FNIP2: variants seen among roughly 807,000 people sequenced by gnomAD.
FNIP2 encodes the protein folliculin-interacting protein 2.
Under a neutral mutation model 108.7 loss-of-function variants are expected in FNIP2, and 32 were observed. The observed-to-expected ratio is 0.29, with a 90% CI of 0.22 to 0.40. The LOEUF is 0.40. Among genes scored for constraint, FNIP2 ranks in the 10% least tolerant of loss-of-function variants. The pLI, the probability that FNIP2 is intolerant of heterozygous loss-of-function variation, is 1.00. For missense variants in FNIP2, 1,202 were observed against 1,381.6 expected, an observed-to-expected ratio of 0.87 and a Z score of 2.06; for synonymous variants, 480 against 496.7, an observed-to-expected ratio of 0.97 and a Z score of 0.45.
chr4:158,855,985 T>G (rs533092940), intron 8 of FNIP2, among the ~76,000 whole-genome samples: 1 of 152,294 alleles, frequency 6.6e-6, no homozygotes, highest in African/African-American at 2.4e-5. Flanking sequence ...CACTTTATTC[T>G]ATAAAATAGA....
intron 7 of FNIP2, among the ~76,000 whole-genome samples, chr4:158,836,956 T>C (rs1253270956): frequency 3.3e-5 from 5 of 152,188 alleles, no homozygotes; most frequent in South Asian, 2.1e-4. Context: ...TTCTGTTTAA[T>C]GGTGCTGAAG....
At chr4:158,876,874 G>A (rs1018438296) in intron 14 of FNIP2, among the ~76,000 whole-genome samples, 5 of 152,192 alleles carry the variant, frequency 3.3e-5, no homozygotes, top group Admixed American at 6.5e-5. Context: ...AGACATGCCT[G>A]CAGCTCTGTG....
chr4:158,851,459 C>CA lies in FNIP2; in HGVS notation c.857+11dup. On this transcript the variant is annotated intron_variant, in intron 8 of 16. Transcript: ENST00000264433. ...GGCATCATCCCAAGAAGGTGAGTTGCAAGTTTCCTCTTGCTGAGAAAAGTA... is the reference window on the plus strand; with the variant it reads ...GGCATCATCCCAAGAAGGTGAGTTGCAAAGTTTCCTCTTGCTGAGAAAAGTA... The CA allele has an allele frequency of 9.9e-6, 16 of 1,613,792 alleles. No individual in the cohort carries two copies. The highest frequency in any genetic ancestry group is 2.2e-5 in the South Asian group (2 of 91,048).
At chr4:158,885,377 T>C (rs770077193) in intron 14 of FNIP2, among the ~76,000 whole-genome samples, 1 of 152,124 alleles carries the variant, frequency 6.6e-6, no homozygotes, top group Non-Finnish European at 1.5e-5. Context: ...TGAAGAGCTG[T>C]AAGTGTGGAA....
chr4:158,832,875 C>T (rs1318220088), intron 5 of FNIP2, among the ~76,000 whole-genome samples: 1 of 152,100 alleles, frequency 6.6e-6, no homozygotes, highest in Admixed American at 6.5e-5. Context: ...ATTATTTTGC[C>T]TTCATTATGC....
chr4:158,903,668 C>T (rs1729560196), intron 16 of FNIP2, among the ~76,000 whole-genome samples: 1 of 152,172 alleles, frequency 6.6e-6, no homozygotes, highest in Non-Finnish European at 1.5e-5. Flanking sequence ...TCTGTGCACT[C>T]TGAAATCAGA....
At chr4:158,876,584 C>A (rs1002886813) in intron 14 of FNIP2, among the ~76,000 whole-genome samples, 1 of 152,172 alleles carries the variant, frequency 6.6e-6, no homozygotes, top group African/African-American at 2.4e-5. Context: ...AAAATCATTC[C>A]AGGCCCCATA....
chr4:158,871,897 C>T (rs1038285140), intron 14 of FNIP2: 1 of 985,254 alleles, frequency 1.0e-6, no homozygotes, highest in African/African-American at 1.7e-5. Context: ...GATGCTTTGG[C>T]AATTTCACAG....
chr4:158,815,005 A>C (rs978067803), intron 1 of FNIP2, among the ~76,000 whole-genome samples: 4 of 152,242 alleles, frequency 2.6e-5, no homozygotes, highest in African/African-American at 7.2e-5. Flanking sequence ...AAGAGACAAT[A>C]CAGTCACACG....
intron 1 of FNIP2, among the ~76,000 whole-genome samples, chr4:158,804,060 T>C (rs1578839496): frequency 6.6e-6 from 1 of 152,260 alleles, no homozygotes; most frequent in Middle Eastern, 3.4e-3. Flanking sequence ...TGCCTCAGCC[T>C]CCGAGTAGCT....
rs890883683 is a variant in FNIP2 at position 158,785,802 on chromosome 4, A to T, written c.107+16483A>T. Among the ~76,000 whole-genome samples, 3 of 152,044 alleles carry T rather than the reference A, an allele frequency of 2.0e-5. No homozygotes were observed. The South Asian group carries it at 6.2e-4, about 31-fold the overall frequency. On this transcript the variant is annotated intron_variant, in intron 1 of 16. Transcript: ENST00000264433. ...TAGAGTTTTGAAATTCACTGCCAAGAAATGTATGGGGTATTTTATTAAAAA... is the reference window on the plus strand; with the variant it reads ...TAGAGTTTTGAAATTCACTGCCAAGTAATGTATGGGGTATTTTATTAAAAA...
At chr4:158,788,430 C>T (rs774381288) in intron 1 of FNIP2, among the ~76,000 whole-genome samples, 8 of 152,178 alleles carry the variant, frequency 5.3e-5, no homozygotes, top group East Asian at 3.8e-4. Context: ...AGCAAAGGCC[C>T]GCTTAGCTCA....
chr4:158,844,099 T>C (rs1466518396), intron 7 of FNIP2, among the ~76,000 whole-genome samples: 1 of 152,256 alleles, frequency 6.6e-6, no homozygotes, highest in Admixed American at 6.5e-5. Context: ...TTTCTCGACT[T>C]ACCACATTAT....
rs567328638 is a variant in FNIP2, at chr4:158,803,274, T to C, written c.108-22642T>C. 2.3e-4 allele frequency among the ~76,000 whole-genome samples: 35 copies of C among 152,340 alleles called. No individual in the cohort carries two copies. The East Asian group carries it at 3.9e-3, about 17-fold the overall frequency. On this transcript the variant is annotated intron_variant, in intron 1 of 16. Coordinates refer to ENST00000264433, the MANE Select transcript of FNIP2 (RefSeq NM_020840.3). Reference sequence around the variant, plus strand: ...TGTGTAGGGTTACAAATAGGGTGGATGATAAATTGTAATATGCATAGTATT... The same window carrying C: ...TGTGTAGGGTTACAAATAGGGTGGACGATAAATTGTAATATGCATAGTATT...
chr4:158,874,976 A>G (rs1781178285), intron 14 of FNIP2, among the ~76,000 whole-genome samples: 1 of 151,290 alleles, frequency 6.6e-6, no homozygotes, highest in East Asian at 2.0e-4. Flanking sequence ...AGTCCCAGCT[A>G]CTTGGGAGGC....
intron 6 of FNIP2, chr4:158,834,022 A>ATTT (rs1778635578): frequency 2.2e-6 from 1 of 460,042 alleles, no homozygotes; most frequent in Non-Finnish European, 3.4e-6. Context: ...TTGGTTTCAA[A>ATTT]TGCGGCCAAA....
At chr4:158,822,402 T>C (rs1364585343) in intron 1 of FNIP2, among the ~76,000 whole-genome samples, 1 of 152,110 alleles carries the variant, frequency 6.6e-6, no homozygotes, top group Non-Finnish European at 1.5e-5. Context: ...CACAAACGCC[T>C]GGGCTCAAGC....
Position 158,833,572 on chromosome 4 carries a change from G to T in FNIP2, c.599G>T (p.Gly200Val). ...TACATCAACCAAGATCCTAATTTGG[G>T]AAAACTGAACACAAATCAAAATAGT... Reference protein sequence around the residue: ...FEYINQDPNLGKLNTNQNSLG... With the variant: ...FEYINQDPNLVKLNTNQNSLG... The change falls in exon 6 of 17, where the codon GGA becomes GTA. Residue 200 changes from glycine (G) to valine (V), a missense_variant. Coordinates refer to ENST00000264433, the MANE Select transcript of FNIP2 (RefSeq NM_020840.3). The T allele has an allele frequency of 6.2e-7, 1 of 1,609,804 alleles. No homozygotes were observed. Among genetic ancestry groups the T allele is most frequent in the Non-Finnish European group, 8.5e-7 (1 of 1,178,804 alleles).
At chr4:158,852,176 A>G (rs781124462) in intron 8 of FNIP2, among the ~76,000 whole-genome samples, 30 of 152,244 alleles carry the variant, frequency 2.0e-4, no homozygotes, top group Non-Finnish European at 4.0e-4. Flanking sequence ...ATGGTACATG[A>G]TAAATATCAC....
Sources: allele counts gnomAD v4.1 joint callset (sites outside exome capture counted in the v4.1 genomes callset), GRCh38; gene constraint gnomAD v4.1.1; transcripts MANE v1.5; gene names NCBI Gene and HGNC (gene_info 2026-07-23, HGNC 2026-07-21).